The following ZBTB7B variants were observed in gnomAD, a reference collection of about 807,000 sequenced individuals.
The protein encoded by ZBTB7B is zinc finger and BTB domain containing 7B.
In ZBTB7B, 8 loss-of-function variants were observed where a neutral mutation model predicts 31.0. The observed-to-expected ratio is 0.26, with a 90% CI of 0.15 to 0.47. ZBTB7B has a LOEUF of 0.47. ZBTB7B is among the 20% of genes least tolerant of loss of function. ZBTB7B has a pLI of 0.99. For missense variants in ZBTB7B, 494 were observed against 742.4 expected (o/e 0.67, Z 3.89); for synonymous variants, 261 against 307.3 (o/e 0.85, Z 1.58).
At chr1:155,001,929 G>A (rs1183989628), upstream of ZBTB7B, among the ~76,000 whole-genome samples, 2 of 147,430 alleles carry the variant, frequency 1.4e-5, no homozygotes, top group African/African-American at 5.1e-5. The surrounding 1 kb of genome is among the most constrained non-coding windows in gnomAD (Gnocchi z 4.8). Context: ...TCCCTGACCT[G>A]ATTACAGCCC....
rs1391835246 is a variant in ZBTB7B, at chr1:155,015,128, T to C, written c.468T>C (p.Cys156=). ...CTCCCAGCCCGGACGAGGATGACTG[T>C]GAGCGAGCCCGCCAGTATCTGGAGG... ...LEAPSPDEDD[C]ERARQYLEAF... Residue 156 remains cysteine (C), a synonymous_variant, in exon 2 of 3, where the codon TGT becomes TGC. Transcript: ENST00000535420. 1 of 1,613,430 alleles carries C rather than the reference T, an allele frequency of 6.2e-7. No homozygotes were observed.
At position 155,015,377 on chromosome 1, in the gene ZBTB7B, G is replaced by A. The variant is rs761590971; in HGVS notation, c.717G>A (p.Ala239=). 2.9e-5 allele frequency: 46 copies of A among 1,570,878 alleles called. No homozygotes were observed. Among genetic ancestry groups the A allele is most frequent in the East Asian group, 2.5e-4 (11 of 44,370 alleles). ...HPLTYEEEEV[A]GRVGSSGGSG... ...TGACCTATGAGGAGGAGGAGGTGGC[G>A]GGCAGAGTGGGCAGCAGTGGGGGCA... Residue 239 remains alanine (A), a synonymous_variant, in exon 2 of 3, where the codon GCG becomes GCA. Transcript: ENST00000535420.
At chr1:155,006,903 C>A (rs1252821986) in intron 1 of ZBTB7B, among the ~76,000 whole-genome samples, 1 of 152,216 alleles carries the variant, frequency 6.6e-6, no homozygotes, top group African/African-American at 2.4e-5. Context: ...AGATTCATGA[C>A]CAAGTCATCT....
At chr1:155,013,756 C>A (rs562964268) in intron 1 of ZBTB7B, among the ~76,000 whole-genome samples, 15 of 97,176 alleles carry the variant, frequency 1.5e-4, no homozygotes, top group Admixed American at 1.2e-3. Context: ...GGGGAGGGGG[C>A]GGGGGCGATG....
intron 1 of ZBTB7B, among the ~76,000 whole-genome samples, chr1:155,011,245 GC>G (rs1468521969): frequency 3.3e-5 from 5 of 152,230 alleles, no homozygotes; most frequent in African/African-American, 1.2e-4. Context: ...GGCCTTCGTG[GC>G]CCCCAGCCCT....
chr1:155,013,366 A>G (rs953331192), intron 1 of ZBTB7B, among the ~76,000 whole-genome samples: 1 of 152,240 alleles, frequency 6.6e-6, no homozygotes, highest in Non-Finnish European at 1.5e-5. Context: ...CTCCAGACCC[A>G]CAAAATGTCA....
chr1:155,018,400 T>C lies in ZBTB7B; in HGVS notation c.*1715T>C. 1 of 821,990 alleles carries C rather than the reference T, an allele frequency of 1.2e-6. No individual in the cohort carries two copies. The highest frequency in any genetic ancestry group is 2.7e-5 in the East Asian group (1 of 37,346). 50.9% of individuals were successfully genotyped at this position (821,990 alleles called of 1,614,324 possible). ...AATGTGGCCTCCCTTCTCCCTACTT[T>C]CGGCTTTCCCAGTCAGTGCCTTAGG... On this transcript the variant is annotated 3_prime_UTR_variant, in exon 3 of 3. Coordinates refer to ENST00000535420, the MANE Select transcript of ZBTB7B (RefSeq NM_001256455.2).
At chr1:155,011,159 G>C (rs944986899) in intron 1 of ZBTB7B, 4 of 810,686 alleles carry the variant, frequency 4.9e-6, no homozygotes, top group Admixed American at 2.4e-5. Context: ...TGGGGGAAAG[G>C]GGGGTCAGCT....
Position 155,016,069 on chromosome 1 carries a change from T to C in ZBTB7B, c.1155-151T>C, listed in dbSNP as rs1010032434. 4.4e-6 allele frequency: 4 copies of C among 918,418 alleles called. No individual in the cohort carries two copies. The highest frequency in any genetic ancestry group is 1.7e-5 in the African/African-American group (1 of 59,496). 56.9% of individuals were successfully genotyped at this position (918,418 alleles called of 1,614,324 possible). A position where few individuals can be genotyped will look rare whatever the true frequency, so the allele number is the denominator to read the frequency against. On this transcript the variant is annotated intron_variant, in intron 2 of 2. Coordinates refer to ENST00000535420, the MANE Select transcript of ZBTB7B (RefSeq NM_001256455.2). This position sits in a 1 kb window ranked among gnomAD's most constrained non-coding sequence, Gnocchi z 4.3. The stretch of plus-strand genomic sequence containing the variant: ...GGATAATGACAAGGCCTAGTTAAGC[T>C]AGAGGTGAGCTAGCAGGGTATCTCC...
rs1658361805 is a variant in ZBTB7B at position 155,003,396 on chromosome 1, G to A, written c.-7+453G>A. Among the ~76,000 whole-genome samples, 2 of 152,192 alleles carry A rather than the reference G, an allele frequency of 1.3e-5. No homozygotes were observed. Among genetic ancestry groups the A allele is most frequent in the African/African-American group, 2.4e-5 (1 of 41,448 alleles). ...CCGCGCCCCCTGGCGCGGTGGATTG[G>A]CCCCAGGCCAGTTGCATGGGGGTTG... On this transcript the variant is annotated intron_variant, in intron 1 of 2. Transcript: ENST00000535420. The surrounding 1 kb of genome is among the most constrained non-coding windows in gnomAD (Gnocchi z 5.8).
At chr1:155,011,894 C>T (rs1659016389) in intron 1 of ZBTB7B, among the ~76,000 whole-genome samples, 1 of 151,944 alleles carries the variant, frequency 6.6e-6, no homozygotes. Flanking sequence ...CTAGGAGGGC[C>T]CCTTGGCCTG....
chr1:155,004,795 G>A lies in ZBTB7B; in HGVS notation c.-7+1852G>A, dbSNP rs1430897743. 1.3e-5 allele frequency among the ~76,000 whole-genome samples: 2 copies of A among 151,936 alleles called. No homozygotes were observed. Among genetic ancestry groups the A allele is most frequent in the African/African-American group, 4.8e-5 (2 of 41,334 alleles). On this transcript the variant is annotated intron_variant, in intron 1 of 2. Coordinates refer to ENST00000535420, the MANE Select transcript of ZBTB7B (RefSeq NM_001256455.2). This position sits in a 1 kb window ranked among gnomAD's most constrained non-coding sequence, Gnocchi z 4.0. Reference sequence around the variant, plus strand: ...CGTGCCTCTGTTACATGGTTGCTGTGGGCACAACACAACCTGCTGGCACCC... The same window carrying A: ...CGTGCCTCTGTTACATGGTTGCTGTAGGCACAACACAACCTGCTGGCACCC...
chr1:155,002,641 G>A (rs1658304533), upstream of ZBTB7B: 1 of 108,106 alleles, frequency 9.3e-6, no homozygotes, highest in Admixed American at 8.9e-5. Flanking sequence ...GGGAGGGGAG[G>A]GATGGGGGGA....
intron 1 of ZBTB7B, among the ~76,000 whole-genome samples, chr1:155,012,133 C>T (rs990974998): frequency 3.3e-5 from 5 of 152,178 alleles, no homozygotes; most frequent in Non-Finnish European, 7.3e-5. Flanking sequence ...GTGTGAGTTG[C>T]GTGGTGAACG....
In ZBTB7B at chr1:155,015,176, T is replaced by C; in HGVS notation, c.516T>C (p.Ser172=). 1.2e-6 allele frequency: 2 copies of C among 1,613,728 alleles called. No individual in the cohort carries two copies. ...AGGCCTTTGCCACAGCCACGGCCTC[T>C]GGAGTTCCCAATGGTGAAGACAGTC... ...YLEAFATATA[S]GVPNGEDSPP... The change falls in exon 2 of 3, where the codon TCT becomes TCC. Residue 172 remains serine (S), a synonymous_variant. Coordinates refer to ENST00000535420, the MANE Select transcript of ZBTB7B (RefSeq NM_001256455.2).
At chr1:155,013,958 A>T in intron 1 of ZBTB7B, 1 of 896,120 alleles carries the variant, frequency 1.1e-6, no homozygotes, top group Non-Finnish European at 1.3e-6. Flanking sequence ...GAGGGGCAAG[A>T]GGAGGAAGAG....
intron 1 of ZBTB7B, among the ~76,000 whole-genome samples, chr1:155,006,055 G>A (rs886149021): frequency 6.6e-6 from 1 of 152,196 alleles, no homozygotes; most frequent in Non-Finnish European, 1.5e-5. Context: ...GCCCTGGGGA[G>A]CCCAGGAAAA....
In ZBTB7B at chr1:155,010,947, T is replaced by C. The variant is rs546517984; in HGVS notation, c.-6-3708T>C. ...GTTACAGCCTGGTCCTCATCCTCCCTCACCCCAAGCTGCTGCTCCTGGAGA... is the reference window on the plus strand; with the variant it reads ...GTTACAGCCTGGTCCTCATCCTCCCCCACCCCAAGCTGCTGCTCCTGGAGA... On this transcript the variant is annotated intron_variant, in intron 1 of 2. Coordinates refer to ENST00000535420, the MANE Select transcript of ZBTB7B (RefSeq NM_001256455.2). 1.7e-3 allele frequency: 2,570 copies of C among 1,535,600 alleles called. 6 individuals are homozygous for C. Among genetic ancestry groups the C allele is most frequent in the Non-Finnish European group, 1.8e-3 (2,115 of 1,146,716 alleles).
At chr1:155,010,757 G>A (rs865860661) in intron 1 of ZBTB7B, among the ~76,000 whole-genome samples, 21 of 152,200 alleles carry the variant, frequency 1.4e-4, no homozygotes, top group Middle Eastern at 3.4e-3. Context: ...CCATGGCTTC[G>A]TGCAAACTTA....
Sources: allele counts gnomAD v4.1 joint callset (sites outside exome capture counted in the v4.1 genomes callset), GRCh38; gene constraint gnomAD v4.1.1; non-coding constraint Gnocchi (gnomAD v3.1); transcripts MANE v1.5; gene names NCBI Gene and HGNC (gene_info 2026-07-23, HGNC 2026-07-21).